Variants in SYMPK observed in about 807,000 individuals in gnomAD.
The protein encoded by SYMPK is symplekin.
Under a neutral mutation model 136.4 loss-of-function variants are expected in SYMPK, and 49 were observed. That is an observed-to-expected ratio of 0.36 (90% CI 0.29 to 0.46). The LOEUF is 0.46. SYMPK is among the 20% of genes least tolerant of loss of function. SYMPK has a pLI of 1.00. For synonymous variants in SYMPK, 766 were observed against 713.0 expected, an observed-to-expected ratio of 1.07 and a Z score of -1.19; for missense variants, 1,365 against 1,690.0, an observed-to-expected ratio of 0.81 and a Z score of 3.37.
intron 9 of SYMPK, among the ~76,000 whole-genome samples, chr19:45,839,459 C>T (rs1267923348): frequency 6.6e-6 from 1 of 152,168 alleles, no homozygotes; most frequent in Non-Finnish European, 1.5e-5. Flanking sequence ...TTCTTCCTTA[C>T]AGCAGAATGT....
At chr19:45,833,899 C>T (rs1180317240) in intron 11 of SYMPK, among the ~76,000 whole-genome samples, 1 of 152,194 alleles carries the variant, frequency 6.6e-6, no homozygotes, top group Admixed American at 6.5e-5. Flanking sequence ...CGCCTGTAAT[C>T]CCAGCACTTT....
In SYMPK at chr19:45,816,169, G is replaced by A. The variant is rs536244012; in HGVS notation, c.3369C>T (p.Pro1123=). 185 of 1,541,734 alleles carry A rather than the reference G, an allele frequency of 1.2e-4. No individual in the cohort carries two copies. The highest frequency in any genetic ancestry group is 1.4e-4 in the Non-Finnish European group (164 of 1,141,326). ...GTGCTGGGGCCGGGGCCAAGGTCAG[G>A]GGCTCCAGATCATCCTGGGGATAGG... ...AGPLEEDDLE[P]LTLAPAPAPR... Residue 1123 remains proline, a synonymous_variant, in exon 26 of 27, where the codon CCC becomes CCT. Coordinates refer to ENST00000245934, the MANE Select transcript of SYMPK (RefSeq NM_004819.3).
chr19:45,824,996 G>T (rs1338438048), intron 18 of SYMPK, among the ~76,000 whole-genome samples, 175 bp downstream of exon 18: 1 of 152,232 alleles, frequency 6.6e-6, no homozygotes, highest in Non-Finnish European at 1.5e-5. Flanking sequence ...GCCACTTGAC[G>T]TTTCCTCAGG....
chr19:45,855,829 C>G (rs1971810384), intron 1 of SYMPK: 1 of 151,938 alleles, frequency 6.6e-6, no homozygotes, highest in African/African-American at 2.4e-5. Context: ...AACCCTATCT[C>G]TACAGAAAAT....
rs765191582 is a variant in SYMPK at position 45,815,707 on chromosome 19, G to A, written c.3688-10C>T. The A allele has an allele frequency of 8.7e-6, 14 of 1,607,754 alleles. 1 individual carries two copies. The highest frequency in any genetic ancestry group is 6.6e-5 in the South Asian group (6 of 90,336). On this transcript the variant is annotated splice_polypyrimidine_tract_variant and intron_variant, in intron 26 of 26. Transcript: ENST00000245934. The stretch of plus-strand genomic sequence containing the variant: ...CGCCCGCTGCCGTCTCCTGGTGACC[G>A]GGGAAGGAAAGGGCAGCCGGGTGGA...
chr19:45,816,524 C>G lies in SYMPK; in HGVS notation c.3312G>C (p.Gln1104His), dbSNP rs1316161337. Residue 1104 changes from glutamine (Q) to histidine (H), a missense_variant, in exon 25 of 27, where the codon CAG becomes CAC. This residue lies in a region of SYMPK where 341 missense variants were observed against 270.5 expected (regional missense o/e 1.26). Coordinates refer to ENST00000245934, the MANE Select transcript of SYMPK (RefSeq NM_004819.3). ...IMTILEASGK[Q>H]EPEAKEAPAG... Reference sequence around the variant, plus strand: ...CAGGCGCCTCCTTGGCCTCTGGCTCCTGCTTGCCGCTGGCCTCCAAGATGG... The same window carrying G: ...CAGGCGCCTCCTTGGCCTCTGGCTCGTGCTTGCCGCTGGCCTCCAAGATGG... The G allele has an allele frequency of 1.2e-6, 2 of 1,613,558 alleles. No individual in the cohort carries two copies.
At chr19:45,824,375 T>C (rs1468124415) in intron 18 of SYMPK, among the ~76,000 whole-genome samples, 1 of 152,182 alleles carries the variant, frequency 6.6e-6, no homozygotes, top group Non-Finnish European at 1.5e-5. Context: ...TAAAACCGAC[T>C]GTCTCTGCCC....
intron 10 of SYMPK, among the ~76,000 whole-genome samples, chr19:45,838,017 G>A (rs900837365): frequency 5.3e-5 from 8 of 152,092 alleles, no homozygotes; most frequent in African/African-American, 1.9e-4. Context: ...GTTCCTTCCC[G>A]AATCTCATGT....
At chr19:45,836,813 A>C (rs556914933) in intron 10 of SYMPK, among the ~76,000 whole-genome samples, 3 of 151,744 alleles carry the variant, frequency 2.0e-5, no homozygotes, top group African/African-American at 7.3e-5. Context: ...TAATTTTTTT[A>C]TTTTTCTTTT....
At chr19:45,857,409 C>CAAA (rs1161033225) in intron 1 of SYMPK, among the ~76,000 whole-genome samples, 103 of 43,350 alleles carry the variant, frequency 2.4e-3, no homozygotes, top group African/African-American at 3.5e-3. Context: ...GACTCTGTCT[C>CAAA]AAAAAAAAAA....
chr19:45,842,684 G>C (rs181728375), intron 8 of SYMPK, 195 bp from the exon 9 acceptor site: 1 of 659,460 alleles, frequency 1.5e-6, no homozygotes, highest in Non-Finnish European at 2.5e-6. Context: ...ATCAGTATCA[G>C]TCAATCTTAA....
chr19:45,848,928 TAGG>T (rs747392914), intron 5 of SYMPK, 52 bp from the exon 6 acceptor site: 3 of 1,610,434 alleles, frequency 1.9e-6, no homozygotes, highest in Non-Finnish European at 1.7e-6. Context: ...TTAGAGCAAG[TAGG>T]AGGAGCCTGA....
Position 45,825,063 on chromosome 19 carries a change from C to A in SYMPK, c.2490+108G>T, listed in dbSNP as rs1011413800. On this transcript the variant is annotated intron_variant, in intron 18 of 26. Transcript: ENST00000245934. ...GCCTGGGTCGGCCCGGGGTGACCAC[C>A]CTTCGGGCTTGGCACACTCTGAGGT... 4 of 1,434,116 alleles carry A rather than the reference C, an allele frequency of 2.8e-6. No individual in the cohort carries two copies. In the African/African-American group the frequency reaches 5.7e-5, roughly 20 times the overall value. 88.8% of individuals were successfully genotyped at this position (1,434,116 alleles called of 1,614,324 possible).
intron 19 of SYMPK, 53 bp downstream of exon 19, chr19:45,823,714 G>A: frequency 1.3e-6 from 2 of 1,517,706 alleles, no homozygotes; most frequent in Non-Finnish European, 1.8e-6. Flanking sequence ...AGGGCCCGGG[G>A]AAGGCTAAGG....
intron 1 of SYMPK, chr19:45,855,250 A>G (rs1185859808): frequency 6.6e-6 from 1 of 152,214 alleles, no homozygotes; most frequent in African/African-American, 2.4e-5. Context: ...GGCACTCAAT[A>G]CATCACAAAA....
intron 12 of SYMPK, 84 bp downstream of exon 12, chr19:45,831,300 C>T (rs1230285643): frequency 1.1e-5 from 13 of 1,149,822 alleles, no homozygotes; most frequent in South Asian, 1.7e-5. Context: ...CACACGCACA[C>T]GCACACGCAC....
Position 45,847,784 on chromosome 19 carries a change from C to A in SYMPK, c.644G>T (p.Arg215Leu). The A allele has an allele frequency of 6.2e-7, 1 of 1,613,798 alleles. No individual in the cohort carries two copies. The highest frequency in any genetic ancestry group is 8.5e-7 in the Non-Finnish European group (1 of 1,179,938). ...RRQEHDISLDRIPRDHPYIQY... is the reference protein window; with the variant it reads ...RRQEHDISLDLIPRDHPYIQY... ...GATGTAGGGGTGGTCACGAGGGATG[C>A]GGTCCAGGCTGATATCATGCTCCTG... Residue 215 changes from arginine to leucine, a missense_variant, in exon 7 of 27, where the codon CGC becomes CTC. This residue lies in a region of SYMPK where 237 missense variants were observed against 292.9 expected (regional missense o/e 0.81). Coordinates refer to ENST00000245934, the MANE Select transcript of SYMPK (RefSeq NM_004819.3).
chr19:45,827,647 G>C, intron 15 of SYMPK, 24 bp from the exon 16 acceptor site: 1 of 1,601,300 alleles, frequency 6.2e-7, no homozygotes, highest in Non-Finnish European at 8.6e-7. Flanking sequence ...AAAGGGACCC[G>C]AGCTCAGCCC....
chr19:45,838,682 G>A (rs1243753039), intron 9 of SYMPK, 67 bp from the exon 10 acceptor site: 2 of 1,527,256 alleles, frequency 1.3e-6, no homozygotes, highest in East Asian at 4.6e-5. Flanking sequence ...TCCTTCCGGG[G>A]TGCCCGGGTG....
Sources: gnomAD v4.1 joint callset for allele counts (sites outside exome capture counted in the v4.1 genomes callset) on GRCh38, gnomAD v4.1.1 for gene constraint, gnomAD v4.1.1 regional missense constraint, MANE v1.5 for transcripts, NCBI Gene and HGNC (gene_info 2026-07-23, HGNC 2026-07-21) for gene names.